The following LARGE1 variants were observed in gnomAD, a reference collection of about 807,000 sequenced individuals.
LARGE1 encodes the protein xylosyl- and glucuronyltransferase LARGE1.
A neutral mutation model predicts 87.6 loss-of-function variants in LARGE1; 43 were observed. The observed-to-expected ratio is 0.49, with a 90% CI of 0.38 to 0.63. The LOEUF (loss-of-function observed/expected upper bound fraction) is 0.63, where lower values mean the gene tolerates loss of function less well. Among genes scored for constraint, LARGE1 ranks in the 30% least tolerant of loss-of-function variants. The pLI, the probability that LARGE1 is intolerant of heterozygous loss-of-function variation, is 0.00. For synonymous variants in LARGE1, 434 were observed against 394.6 expected (o/e 1.10, Z -1.18); for missense variants, 802 against 1,000.2 (o/e 0.80, Z 2.67).
intron 2 of LARGE1, among the ~76,000 whole-genome samples, chr22:33,731,143 C>G (rs2083453252): frequency 6.6e-6 from 1 of 151,848 alleles, no homozygotes. Flanking sequence ...GCTGGGACTA[C>G]CAGGCGCCTA....
chr22:33,880,375 C>G (rs1476627912), intron 1 of LARGE1, among the ~76,000 whole-genome samples: 1 of 152,214 alleles, frequency 6.6e-6, no homozygotes, highest in African/African-American at 2.4e-5. Context: ...TTTGAACATT[C>G]TAACTATCCT....
At chr22:33,320,057 C>T (rs1936561198) in intron 10 of LARGE1, among the ~76,000 whole-genome samples, 1 of 152,216 alleles carries the variant, frequency 6.6e-6, no homozygotes, top group Non-Finnish European at 1.5e-5. Flanking sequence ...AGATTCTCAC[C>T]ATGCCAACAG....
intron 5 of LARGE1, among the ~76,000 whole-genome samples, chr22:33,592,974 G>C (rs1348488863): frequency 6.6e-6 from 1 of 152,050 alleles, no homozygotes; most frequent in Non-Finnish European, 1.5e-5. Context: ...CGAGTAGCTG[G>C]GACTAGAGGT....
At chr22:33,370,989 A>G (rs2064788396) in intron 9 of LARGE1, among the ~76,000 whole-genome samples, 2 of 150,560 alleles carry the variant, frequency 1.3e-5, no homozygotes, top group South Asian at 4.2e-4. Context: ...GTAAAATCTA[A>G]GAAATGTAAA....
intron 2 of LARGE1, among the ~76,000 whole-genome samples, chr22:33,668,104 A>G (rs2081315916): frequency 6.6e-6 from 1 of 152,224 alleles, no homozygotes; most frequent in Non-Finnish European, 1.5e-5. Flanking sequence ...TTTTTATAGA[A>G]ACATTCCTTC....
At position 33,337,176 on chromosome 22, in the gene LARGE1, C is replaced by T. The variant is rs146269613; in HGVS notation, c.1287+470G>A. Among the ~76,000 whole-genome samples the T allele has an allele frequency of 4.9e-4, 75 of 152,142 alleles. No homozygotes were observed. The East Asian group carries it at 0.01, about 21-fold the overall frequency. On this transcript the variant is annotated intron_variant, in intron 10 of 14. Transcript: ENST00000397394. ...TAGCTATAGTAGACTGTAGCTATGG[C>T]GGTGACTTAGTACCTACCTAACACT...
intron 5 of LARGE1, among the ~76,000 whole-genome samples, chr22:33,582,405 A>T (rs534274936): frequency 7.4e-6 from 1 of 134,962 alleles, no homozygotes; most frequent in Admixed American, 7.0e-5. Context: ...TTGAAAGAGG[A>T]AAAAAAAAAA....
At chr22:33,864,974 A>G (rs1601808212) in intron 1 of LARGE1, among the ~76,000 whole-genome samples, 1 of 152,118 alleles carries the variant, frequency 6.6e-6, no homozygotes, top group African/African-American at 2.4e-5. Context: ...TCCCTGGCCC[A>G]CCCACAGGTT....
chr22:33,805,789 TAAC>T (rs1350638845), intron 1 of LARGE1, among the ~76,000 whole-genome samples: 5 of 151,192 alleles, frequency 3.3e-5, no homozygotes, highest in African/African-American at 9.7e-5. Context: ...ATAAATAAAA[TAAC>T]AACCATCATT....
chr22:33,106,282 C>T, the LARGE1 span, among the ~76,000 whole-genome samples: 1 of 152,146 alleles, frequency 6.6e-6, no homozygotes, highest in Non-Finnish European at 1.5e-5. Flanking sequence ...ACTCACTTTC[C>T]AGCAGGTGAG....
the LARGE1 span, among the ~76,000 whole-genome samples, chr22:33,129,327 G>A: frequency 1.3e-4 from 20 of 151,936 alleles, no homozygotes; most frequent in African/African-American, 4.8e-4. Flanking sequence ...TGTAGTTGTG[G>A]TTACATGCAT....
chr22:33,524,289 C>CA (rs57046363), intron 6 of LARGE1, among the ~76,000 whole-genome samples: 1,883 of 94,724 alleles, frequency 0.02, 43 homozygotes, highest in African/African-American at 0.046. Context: ...AGACTCCCCT[C>CA]AAAAAAAAAA....
chr22:33,907,569 C>CT (rs34936785), intron 1 of LARGE1, among the ~76,000 whole-genome samples: 23,822 of 146,004 alleles, frequency 0.16, 2,200 homozygotes, highest in African/African-American at 0.23. Flanking sequence ...GAAGACATTT[C>CT]TTTTTTTTTT....
At chr22:33,489,152 G>A (rs1054048989) in intron 6 of LARGE1, among the ~76,000 whole-genome samples, 6 of 152,162 alleles carry the variant, frequency 3.9e-5, no homozygotes, top group Admixed American at 1.3e-4. Flanking sequence ...GCCTATCCTC[G>A]TGGAGCTTAT....
chr22:33,610,176 A>T (rs978678780), intron 4 of LARGE1, among the ~76,000 whole-genome samples: 2 of 152,204 alleles, frequency 1.3e-5, no homozygotes, highest in African/African-American at 4.8e-5. Flanking sequence ...ACTACTATAA[A>T]CATATATGAA....
chr22:33,180,928 G>C (rs1207183221), intron 11 of LARGE1, among the ~76,000 whole-genome samples: 1 of 152,204 alleles, frequency 6.6e-6, no homozygotes, highest in African/African-American at 2.4e-5. Context: ...TTGGGAGTAG[G>C]CATGAGGAGT....
intron 1 of LARGE1, among the ~76,000 whole-genome samples, chr22:33,762,572 A>G (rs890405257): frequency 5.9e-5 from 9 of 152,204 alleles, no homozygotes; most frequent in Admixed American, 2.6e-4. Flanking sequence ...TCCACCCTCA[A>G]TATGGAAGAA....
chr22:33,247,072 TGTG>T (rs1926799463), intron 11 of LARGE1, among the ~76,000 whole-genome samples: 2 of 151,786 alleles, frequency 1.3e-5, no homozygotes, highest in Non-Finnish European at 2.9e-5. Flanking sequence ...TGTGTGTGTG[TGTG>T]TGTGTGTGTG....
At chr22:33,870,351 T>C (rs2064238221) in intron 1 of LARGE1, among the ~76,000 whole-genome samples, 1 of 152,228 alleles carries the variant, frequency 6.6e-6, no homozygotes, top group African/African-American at 2.4e-5. Context: ...CAGTTTGTTA[T>C]GGCAGCCTTC....
Sources: gnomAD v4.1 joint callset for allele counts (sites outside exome capture counted in the v4.1 genomes callset) on GRCh38, gnomAD v4.1.1 for gene constraint, MANE v1.5 for transcripts, NCBI Gene and HGNC (gene_info 2026-07-23, HGNC 2026-07-21) for gene names.